The following KIAA0825 variants were observed in gnomAD, a reference collection of about 807,000 sequenced individuals.
KIAA0825 encodes KIAA0825.
Under a neutral mutation model 147.6 loss-of-function variants are expected in KIAA0825, and 119 were observed. The ratio of observed to expected loss-of-function variants is 0.81; its 90% CI spans 0.69 to 0.94. KIAA0825 has a LOEUF of 0.94. KIAA0825 is among the 40% of genes least tolerant of loss of function. The probability of loss-of-function intolerance (pLI) is 0.00; values close to 1 mark genes in which losing one functional copy is unlikely to be tolerated. For synonymous variants in KIAA0825, 470 were observed against 518.1 expected (o/e 0.91, Z 1.26); for missense variants, 1,381 against 1,472.7 (o/e 0.94, Z 1.02).
chr5:94,551,970 A>C (rs1775627893), intron 2 of KIAA0825, among the ~76,000 whole-genome samples: 1 of 152,090 alleles, frequency 6.6e-6, no homozygotes, highest in African/African-American at 2.4e-5. Context: ...TTCCTCAATC[A>C]AAAAATATAG....
chr5:94,605,858 G>A (rs138880878), intron 1 of KIAA0825, among the ~76,000 whole-genome samples: 6 of 151,702 alleles, frequency 4.0e-5, no homozygotes, highest in Admixed American at 1.3e-4. Context: ...AAACTGGCAT[G>A]AGGATGCCCT....
At chr5:94,489,944 T>C (rs1584661758) in intron 5 of KIAA0825, among the ~76,000 whole-genome samples, 1 of 150,296 alleles carries the variant, frequency 6.7e-6, no homozygotes, top group African/African-American at 2.4e-5. Flanking sequence ...TAGAAAATCA[T>C]GGAGGACCTG....
intron 2 of KIAA0825, among the ~76,000 whole-genome samples, chr5:94,572,222 A>G (rs751985936): frequency 3.3e-5 from 5 of 152,228 alleles, no homozygotes; most frequent in Non-Finnish European, 7.4e-5. Flanking sequence ...TCAACTGGCC[A>G]GCAGGGCTGG....
intron 5 of KIAA0825, among the ~76,000 whole-genome samples, chr5:94,499,433 C>T (rs1764771375): frequency 6.6e-6 from 1 of 152,166 alleles, no homozygotes; most frequent in Non-Finnish European, 1.5e-5. Flanking sequence ...GCCCACCCTG[C>T]AACCAACACG....
At chr5:94,507,465 A>G (rs1765889594) in intron 5 of KIAA0825, among the ~76,000 whole-genome samples, 1 of 146,876 alleles carries the variant, frequency 6.8e-6, no homozygotes, top group South Asian at 2.3e-4. Context: ...GCCCCCCCCA[A>G]AAAAACCTGA....
intron 1 of KIAA0825, chr5:94,592,967 A>C: frequency 1.7e-6 from 1 of 575,616 alleles, no homozygotes; most frequent in Non-Finnish European, 3.3e-6. Context: ...TCAGAAAAAC[A>C]AGTGGGATGT....
intron 13 of KIAA0825, among the ~76,000 whole-genome samples, chr5:94,443,593 C>T (rs1757376320): frequency 6.6e-6 from 1 of 151,942 alleles, no homozygotes. Context: ...TAATGGGGTC[C>T]AAGCATTATT....
chr5:94,389,404 G>T (rs1229823951), intron 18 of KIAA0825, among the ~76,000 whole-genome samples: 1 of 152,140 alleles, frequency 6.6e-6, no homozygotes, highest in African/African-American at 2.4e-5. Flanking sequence ...TCTTGAACCT[G>T]GTGCCAACCC....
intron 12 of KIAA0825, among the ~76,000 whole-genome samples, chr5:94,462,073 A>G (rs1433214902): frequency 6.6e-6 from 1 of 151,958 alleles, no homozygotes; most frequent in African/African-American, 2.4e-5. Context: ...TAACCAGGCC[A>G]TCAATATAAT....
chr5:94,497,318 G>A (rs1309234694), intron 5 of KIAA0825, among the ~76,000 whole-genome samples: 1 of 152,154 alleles, frequency 6.6e-6, no homozygotes, highest in Non-Finnish European at 1.5e-5. Context: ...GAGAGCCAAT[G>A]CACACTTCAG....
intron 20 of KIAA0825, among the ~76,000 whole-genome samples, chr5:94,221,508 G>A (rs1468398758): frequency 1.3e-5 from 2 of 152,116 alleles, no homozygotes; most frequent in South Asian, 2.1e-4. Context: ...GCTCTCCTGA[G>A]TCTGAGTCCT....
At chr5:94,171,950 T>C (rs536675269) in intron 20 of KIAA0825, among the ~76,000 whole-genome samples, 2 of 152,172 alleles carry the variant, frequency 1.3e-5, no homozygotes, top group Non-Finnish European at 2.9e-5. Flanking sequence ...ACAAAAAAGA[T>C]ACATGATAAT....
At chr5:94,604,560 A>AAAACAAAC (rs368530098) in intron 1 of KIAA0825, among the ~76,000 whole-genome samples, 1 of 151,968 alleles carries the variant, frequency 6.6e-6, no homozygotes, top group African/African-American at 2.4e-5. Flanking sequence ...CTCCATCTCA[A>AAAACAAAC]AAACAAACAA....
intron 7 of KIAA0825, 25 bp downstream of exon 7, chr5:94,477,086 A>G: frequency 6.7e-7 from 1 of 1,493,270 alleles, no homozygotes; most frequent in Non-Finnish European, 9.1e-7. Flanking sequence ...GTGAATTATA[A>G]AACACTTCTT....
At chr5:94,575,879 T>C (rs1422572677) in intron 2 of KIAA0825, among the ~76,000 whole-genome samples, 2 of 152,192 alleles carry the variant, frequency 1.3e-5, no homozygotes, top group Non-Finnish European at 2.9e-5. Flanking sequence ...GATGAGGCTA[T>C]AAGGAAGTTT....
In KIAA0825 at chr5:94,386,273, C is replaced by T. The variant is rs769513179; in HGVS notation, c.3588G>A (p.Lys1196=). Residue 1196 remains lysine (K), a synonymous_variant, in exon 19 of 21, where the codon AAG becomes AAA. Transcript: ENST00000682413. ...PSAFNPFHVY[K]AFSENMLDQV... ...GATCTAGCATGTTTTCACTAAACGC[C>T]TTATACACATGGAAAGGGTTAAAGG... is the stretch of plus-strand genomic sequence containing the variant. The T allele has an allele frequency of 1.6e-5, 25 of 1,551,104 alleles. No homozygotes were observed. The highest frequency in any genetic ancestry group is 2.2e-5 in the Non-Finnish European group (25 of 1,146,728).
At chr5:94,581,290 A>G (rs1267953938) in intron 2 of KIAA0825, among the ~76,000 whole-genome samples, 1 of 152,190 alleles carries the variant, frequency 6.6e-6, no homozygotes, top group Non-Finnish European at 1.5e-5. Context: ...TCAAATACTG[A>G]AAAACAAAAA....
chr5:94,529,515 C>G (rs999540321), intron 3 of KIAA0825, among the ~76,000 whole-genome samples: 2 of 150,766 alleles, frequency 1.3e-5, no homozygotes, highest in African/African-American at 4.9e-5. Context: ...ACAGAATGTA[C>G]ATATAATTCC....
chr5:94,399,003 T>C (rs1340695652), intron 16 of KIAA0825, among the ~76,000 whole-genome samples: 1 of 152,164 alleles, frequency 6.6e-6, no homozygotes, highest in Non-Finnish European at 1.5e-5. Context: ...TAAAAATTAA[T>C]TGGAGCAGTC....
Sources: allele counts gnomAD v4.1 joint callset (sites outside exome capture counted in the v4.1 genomes callset), GRCh38; gene constraint gnomAD v4.1.1; transcripts MANE v1.5; gene names NCBI Gene and HGNC (gene_info 2026-07-23, HGNC 2026-07-21).